PARL: variants seen among roughly 807,000 people sequenced by gnomAD.
PARL encodes presenilin-associated rhomboid-like protein, mitochondrial.
PARL carries 44 observed loss-of-function variants against 51.6 expected under a neutral mutation model. The ratio of observed to expected loss-of-function variants is 0.85; its 90% CI spans 0.67 to 1.10. The LOEUF is 1.10. PARL is among the 50% of genes least tolerant of loss of function. The pLI, the probability that PARL is intolerant of heterozygous loss-of-function variation, is 0.00. For synonymous variants in PARL, 172 were observed against 164.0 expected, an observed-to-expected ratio of 1.05 and a Z score of -0.37; for missense variants, 441 against 469.5, an observed-to-expected ratio of 0.94 and a Z score of 0.56.
chr3:183,850,040 T>C (rs111777632), intron 4 of PARL, among the ~76,000 whole-genome samples: 17 of 152,286 alleles, frequency 1.1e-4, no homozygotes, highest in African/African-American at 3.8e-4. Flanking sequence ...GAATTAGTAA[T>C]TCAAAAAACT....
intron 1 of PARL, among the ~76,000 whole-genome samples, chr3:183,876,034 A>G (rs1178872111): frequency 6.6e-6 from 1 of 151,958 alleles, no homozygotes; most frequent in East Asian, 1.9e-4. Context: ...CGTTTATGGA[A>G]TATTTTTTAT....
Position 183,871,548 on chromosome 3 carries a change from G to T in PARL, c.126-3488C>A, listed in dbSNP as rs555236610. 4.1e-4 allele frequency among the ~76,000 whole-genome samples: 61 copies of T among 148,858 alleles called. No individual in the cohort carries two copies. In the South Asian group the frequency reaches 0.013, roughly 31 times the overall value. ...AAAAAAAAAAGGCTTGGGGGGGAGG[G>T]GTGGGGAAGAACTAATCATACATCA... is the stretch of plus-strand genomic sequence containing the variant. On this transcript the variant is annotated intron_variant, in intron 1 of 9. Coordinates refer to ENST00000317096, the MANE Select transcript of PARL (RefSeq NM_018622.7).
At position 183,829,605 on chromosome 3, in the gene PARL, G is replaced by A. The variant is rs1457422122; in HGVS notation, c.1133C>T (p.Ser378Phe). Reference protein sequence around the residue: ...RTNGPKKGGGSK With the variant: ...RTNGPKKGGGFK ...TACTGTCCAATCCCAGTTTTACTTA[G>A]AGCCACCTCCTTTTTTGGGGCCATT... Residue 378 changes from serine (S) to phenylalanine (F), a missense_variant, in exon 10 of 10, where the codon TCT becomes TTT. By Grantham distance (155) the Ser-to-Phe change is radical. Coordinates refer to ENST00000317096, the MANE Select transcript of PARL (RefSeq NM_018622.7). 2 of 1,614,140 alleles carry A rather than the reference G, an allele frequency of 1.2e-6. No homozygotes were observed. The highest frequency in any genetic ancestry group is 1.7e-6 in the Non-Finnish European group (2 of 1,180,026).
intron 4 of PARL, among the ~76,000 whole-genome samples, chr3:183,859,331 A>G (rs1731535476): frequency 6.6e-6 from 1 of 152,074 alleles, no homozygotes; most frequent in Non-Finnish European, 1.5e-5. Context: ...CAGCTGTAAG[A>G]AGGGGAGGTT....
intron 4 of PARL, chr3:183,846,577 CAAACGCA>C: frequency 1.0e-6 from 1 of 985,080 alleles, no homozygotes; most frequent in Non-Finnish European, 1.2e-6. Context: ...GTTTTCAATC[CAAACGCA>C]AGAAGCTTTT....
chr3:183,854,397 TATTA>T (rs1323642643), intron 4 of PARL, among the ~76,000 whole-genome samples: 1 of 152,068 alleles, frequency 6.6e-6, no homozygotes, highest in Non-Finnish European at 1.5e-5. Context: ...CAAAATAAAA[TATTA>T]TTTAGCCTTA....
chr3:183,843,632 C>T (rs1179620190), intron 5 of PARL, among the ~76,000 whole-genome samples: 1 of 152,150 alleles, frequency 6.6e-6, no homozygotes, highest in Non-Finnish European at 1.5e-5. Context: ...AGATCGAGAC[C>T]ATCCTGGCTA....
intron 7 of PARL, among the ~76,000 whole-genome samples, chr3:183,838,670 C>T (rs1194736346): frequency 6.6e-6 from 1 of 152,146 alleles, no homozygotes; most frequent in East Asian, 1.9e-4. Context: ...AACTGAAATT[C>T]AGAGAAGTTC....
chr3:183,844,022 G>C (rs568501514), intron 5 of PARL, among the ~76,000 whole-genome samples: 1 of 152,296 alleles, frequency 6.6e-6, no homozygotes, highest in East Asian at 1.9e-4. Flanking sequence ...CTGGGCAACA[G>C]AGGAAGACTC....
intron 7 of PARL, among the ~76,000 whole-genome samples, chr3:183,836,315 G>A (rs754380282): frequency 1.7e-4 from 25 of 148,664 alleles, no homozygotes; most frequent in South Asian, 4.2e-4. Context: ...AAAAATTGTC[G>A]TTATCTGTAC....
intron 3 of PARL, among the ~76,000 whole-genome samples, chr3:183,864,315 G>A (rs1245826515): frequency 6.6e-6 from 1 of 152,006 alleles, no homozygotes; most frequent in East Asian, 1.9e-4. Context: ...TTGCTGGCCA[G>A]GATCACACTG....
In PARL at chr3:183,884,828, C is replaced by A. The variant is rs781697331; in HGVS notation, c.19G>T (p.Ala7Ser). The A allele has an allele frequency of 6.3e-7, 1 of 1,597,300 alleles. No individual in the cohort carries two copies. The highest frequency in any genetic ancestry group is 8.5e-7 in the Non-Finnish European group (1 of 1,179,170). MAWRGW[A>S]QRGWGCGQAW... is the part of the protein sequence containing the mutation. ...TGGCCGCAGCCCCAGCCTCTCTGCG[C>A]CCAGCCTCGCCACGCCATCTTCCCA... The change falls in exon 1 of 10, where the codon GCG becomes TCG. Residue 7 changes from alanine to serine, a missense_variant. Coordinates refer to ENST00000317096, the MANE Select transcript of PARL (RefSeq NM_018622.7).
intron 7 of PARL, among the ~76,000 whole-genome samples, chr3:183,837,950 G>A (rs1187961724): frequency 6.6e-6 from 1 of 151,534 alleles, no homozygotes; most frequent in East Asian, 1.9e-4. Context: ...TGTCTCTACA[G>A]AAAAGTTTAA....
At chr3:183,843,222 A>G in intron 5 of PARL, 1 of 985,304 alleles carries the variant, frequency 1.0e-6, no homozygotes, top group Non-Finnish European at 1.2e-6. Flanking sequence ...AGCTGTCTTA[A>G]TAAATCTCTT....
chr3:183,865,990 C>T (rs561893640), intron 3 of PARL, among the ~76,000 whole-genome samples: 81 of 152,030 alleles, frequency 5.3e-4, no homozygotes, highest in Non-Finnish European at 1.0e-3. Context: ...GGCGATTCTC[C>T]TGCCTCAGCT....
rs2108571706 is a variant in PARL at position 183,829,294 on chromosome 3, T to C, written c.*304A>G. On this transcript the variant is annotated 3_prime_UTR_variant, in exon 10 of 10. Coordinates refer to ENST00000317096, the MANE Select transcript of PARL (RefSeq NM_018622.7). Reference sequence around the variant, plus strand: ...GCGCCTTCATGTTCTGATCAGGCCTTTCAGGGTGCACTCTCCCCAGGTCCT... The same window carrying C: ...GCGCCTTCATGTTCTGATCAGGCCTCTCAGGGTGCACTCTCCCCAGGTCCT... 1 of 751,264 alleles carries C rather than the reference T, an allele frequency of 1.3e-6. No homozygotes were observed. The highest frequency in any genetic ancestry group is 1.9e-6 in the Non-Finnish European group (1 of 520,302). 46.5% of individuals were successfully genotyped at this position (751,264 alleles called of 1,614,324 possible).
At chr3:183,827,420 C>T (rs1175987725), downstream of PARL, among the ~76,000 whole-genome samples, 2 of 149,874 alleles carry the variant, frequency 1.3e-5, no homozygotes, top group Non-Finnish European at 1.5e-5. Context: ...CCAGCCTGGA[C>T]GAGAGAGAGA....
In PARL at chr3:183,882,791, T is replaced by G. The variant is rs150423811; in HGVS notation, c.125+1931A>C. Among the ~76,000 whole-genome samples the G allele has an allele frequency of 2.4e-3, 358 of 152,338 alleles. 2 individuals carry two copies. The highest frequency in any genetic ancestry group is 8.2e-3 in the African/African-American group (342 of 41,568). ...TGGGCCTGCAGTAGTTTTCAGACCC[T>G]AGTATCACCACCTAGAGTGCTTGTA... On this transcript the variant is annotated intron_variant, in intron 1 of 9. Coordinates refer to ENST00000317096, the MANE Select transcript of PARL (RefSeq NM_018622.7).
chr3:183,861,665 CTTAT>C (rs575274251), intron 4 of PARL, among the ~76,000 whole-genome samples: 11 of 152,204 alleles, frequency 7.2e-5, no homozygotes, highest in African/African-American at 2.4e-4. Context: ...GTCTTAAATG[CTTAT>C]TTAAGTCTAA....
Sources: allele counts gnomAD v4.1 joint callset (sites outside exome capture counted in the v4.1 genomes callset), GRCh38; gene constraint gnomAD v4.1.1; transcripts MANE v1.5; gene names NCBI Gene and HGNC (gene_info 2026-07-23, HGNC 2026-07-21).